KANSL1: variants seen among roughly 807,000 people sequenced by gnomAD.
KANSL1 encodes KAT8 regulatory NSL complex subunit 1, also known as MLL1/MLL complex subunit KANSL1.
KANSL1 carries 22 observed loss-of-function variants against 103.6 expected under a neutral mutation model. That is an observed-to-expected ratio of 0.21 (90% CI 0.15 to 0.30). The LOEUF is 0.30. Ranked by LOEUF, KANSL1 falls within the 10% of genes least tolerant of loss-of-function variation. The pLI is 1.00. For missense variants in KANSL1, 1,337 were observed against 1,399.8 expected, an observed-to-expected ratio of 0.96 and a Z score of 0.72; for synonymous variants, 600 against 527.6, an observed-to-expected ratio of 1.14 and a Z score of -1.88.
chr17:46,160,950 G>C (rs1293603442), intron 2 of KANSL1, among the ~76,000 whole-genome samples: 1 of 152,186 alleles, frequency 6.6e-6, no homozygotes, highest in Non-Finnish European at 1.5e-5. Context: ...TGCAGTTTGA[G>C]TCTGTAAAAT....
chr17:46,123,054 T>A (rs192677690), intron 2 of KANSL1, among the ~76,000 whole-genome samples: 1 of 152,342 alleles, frequency 6.6e-6, no homozygotes, highest in Non-Finnish European at 1.5e-5. Context: ...CTTGCGGATG[T>A]TTTCTGGTAA....
chr17:46,089,023 A>G, intron 3 of KANSL1, among the ~76,000 whole-genome samples: 1 of 152,254 alleles, frequency 6.6e-6, no homozygotes, highest in East Asian at 1.9e-4. Context: ...AATCAGATAA[A>G]AAGTCCTGAG....
At chr17:46,061,860 G>A (rs990402412) in intron 6 of KANSL1, among the ~76,000 whole-genome samples, 4 of 152,116 alleles carry the variant, frequency 2.6e-5, no homozygotes, top group African/African-American at 4.8e-5. Flanking sequence ...GGGAGGCCAA[G>A]GCGGATGGAT....
chr17:46,224,360 C>G (rs1406953125), upstream of KANSL1, among the ~76,000 whole-genome samples: 4 of 151,670 alleles, frequency 2.6e-5, no homozygotes, highest in East Asian at 8.0e-4. Flanking sequence ...GTAAATTTGC[C>G]TGGAGGCAGG....
chr17:46,118,234 C>T (rs1311842486), intron 2 of KANSL1, among the ~76,000 whole-genome samples: 1 of 149,508 alleles, frequency 6.7e-6, no homozygotes, highest in African/African-American at 2.4e-5. Context: ...CTTCGGCCTT[C>T]ACAAGTGTGT....
chr17:46,135,812 T>C (rs1017762186), intron 2 of KANSL1, among the ~76,000 whole-genome samples: 2 of 150,792 alleles, frequency 1.3e-5, no homozygotes, highest in African/African-American at 4.9e-5. Context: ...ATTATAGGTG[T>C]GAGCCACTGC....
At chr17:46,140,260 C>T (rs1196686995) in intron 2 of KANSL1, among the ~76,000 whole-genome samples, 1 of 151,944 alleles carries the variant, frequency 6.6e-6, no homozygotes, top group African/African-American at 2.4e-5. Flanking sequence ...AATAAGTTTC[C>T]ACAACTAAAT....
intron 2 of KANSL1, among the ~76,000 whole-genome samples, chr17:46,098,375 G>A (rs1347413108): frequency 1.3e-5 from 2 of 152,150 alleles, no homozygotes; most frequent in Non-Finnish European, 2.9e-5. Context: ...CCCAACACCA[G>A]TCAATCATAC....
At chr17:46,086,315 C>T (rs1415077821) in intron 3 of KANSL1, among the ~76,000 whole-genome samples, 1 of 152,128 alleles carries the variant, frequency 6.6e-6, no homozygotes, top group African/African-American at 2.4e-5. Context: ...ATCTATTCAT[C>T]GACATAATTT....
In KANSL1 at chr17:46,171,289, T is replaced by G; in HGVS notation, c.855A>C (p.Thr285=). 1.2e-6 allele frequency: 2 copies of G among 1,614,184 alleles called. No homozygotes were observed. Among genetic ancestry groups the G allele is most frequent in the Non-Finnish European group, 1.7e-6 (2 of 1,180,048 alleles). ...FSALDSDTRI[T]ALLRRQADIE... ...TGTCAGCCTGTCGCCGCAGTAAAGCTGTTATCCTTGTGTCAGAATCTAAAG... is the reference window on the plus strand; with the variant it reads ...TGTCAGCCTGTCGCCGCAGTAAAGCGGTTATCCTTGTGTCAGAATCTAAAG... Residue 285 remains threonine (T), a synonymous_variant, in exon 2 of 15, where the codon ACA becomes ACC. Coordinates refer to ENST00000432791, the MANE Select transcript of KANSL1 (RefSeq NM_015443.4).
At chr17:46,200,760 TA>T (rs2047776907) in intron 1 of KANSL1, among the ~76,000 whole-genome samples, 3 of 151,976 alleles carry the variant, frequency 2.0e-5, no homozygotes, top group Non-Finnish European at 2.9e-5. Flanking sequence ...TATATATATA[TA>T]TTTTTCTTTT....
chr17:46,211,330 G>C (rs936041176), intron 1 of KANSL1, among the ~76,000 whole-genome samples: 1 of 151,702 alleles, frequency 6.6e-6, no homozygotes, highest in African/African-American at 2.4e-5. Flanking sequence ...AGCCACACTG[G>C]AAGAAGAGCT....
intron 2 of KANSL1, among the ~76,000 whole-genome samples, chr17:46,153,478 T>C (rs1018573351): frequency 6.6e-6 from 1 of 152,186 alleles, no homozygotes; most frequent in African/African-American, 2.4e-5. Context: ...TCCCAAAATG[T>C]GGGCTGGAAA....
chr17:46,057,248 A>C (rs957724045), intron 6 of KANSL1, among the ~76,000 whole-genome samples: 45 of 152,288 alleles, frequency 3.0e-4, no homozygotes, highest in Admixed American at 2.7e-3. Flanking sequence ...AAATACCTCA[A>C]ATATGTTTCA....
intron 1 of KANSL1, among the ~76,000 whole-genome samples, chr17:46,186,611 A>T (rs190884532): frequency 6.6e-6 from 1 of 152,372 alleles, no homozygotes; most frequent in African/African-American, 2.4e-5. Context: ...AGTGCAAAAA[A>T]ATACAGTCCA....
At chr17:46,221,446 T>C (rs1262986554) in intron 1 of KANSL1, 4 of 151,086 alleles carry the variant, frequency 2.6e-5, no homozygotes, top group African/African-American at 7.3e-5. Flanking sequence ...TCACTGACAT[T>C]GCTTAGTCGT....
upstream of KANSL1, among the ~76,000 whole-genome samples, chr17:46,195,746 G>A (rs1228930384): frequency 1.3e-5 from 2 of 151,974 alleles, no homozygotes; most frequent in African/African-American, 4.8e-5. Context: ...TTTTGTTTTG[G>A]TAGATACAGA....
chr17:46,068,255 T>C (rs1245467786), intron 4 of KANSL1, among the ~76,000 whole-genome samples: 2 of 152,136 alleles, frequency 1.3e-5, no homozygotes, highest in Admixed American at 6.6e-5. Flanking sequence ...TTCTAAAAAC[T>C]ATGCTTTGTT....
At chr17:46,174,843 T>G (rs1046964269) in intron 1 of KANSL1, among the ~76,000 whole-genome samples, 2 of 152,206 alleles carry the variant, frequency 1.3e-5, no homozygotes, top group Non-Finnish European at 2.9e-5. Flanking sequence ...CCGGCTAATT[T>G]TTTGAATTTT....
Sources: allele counts gnomAD v4.1 joint callset (sites outside exome capture counted in the v4.1 genomes callset), GRCh38; gene constraint gnomAD v4.1.1; transcripts MANE v1.5; gene names NCBI Gene and HGNC (gene_info 2026-07-23, HGNC 2026-07-21).